ROBO1: variants seen among roughly 807,000 people sequenced by gnomAD.
ROBO1 encodes the protein roundabout homolog 1.
Under a neutral mutation model 195.9 loss-of-function variants are expected in ROBO1, and 149 were observed. The observed-to-expected ratio is 0.76, with a 90% CI of 0.67 to 0.87. The LOEUF (loss-of-function observed/expected upper bound fraction) is 0.87. ROBO1 is among the 40% of genes least tolerant of loss of function. The pLI is 0.00. For synonymous variants in ROBO1, 816 were observed against 733.2 expected (o/e 1.11, Z -1.82); for missense variants, 1,933 against 2,068.3 (o/e 0.93, Z 1.27).
chr3:79,402,519 A>C (rs1186408254), intron 2 of ROBO1, among the ~76,000 whole-genome samples: 2 of 151,962 alleles, frequency 1.3e-5, no homozygotes, highest in Non-Finnish European at 2.9e-5. Context: ...CACTAATAAT[A>C]ATAAGTACCC....
intron 2 of ROBO1, among the ~76,000 whole-genome samples, chr3:79,323,806 T>C (rs2034091456): frequency 6.6e-6 from 1 of 152,194 alleles, no homozygotes; most frequent in African/African-American, 2.4e-5. Context: ...CAGTAGCCAG[T>C]TAGTTTTGCC....
intron 2 of ROBO1, among the ~76,000 whole-genome samples, chr3:79,525,092 C>G (rs189424021): frequency 2.0e-5 from 3 of 151,576 alleles, no homozygotes. Context: ...TATATTCTCC[C>G]TTCCATTCCA....
intron 2 of ROBO1, among the ~76,000 whole-genome samples, chr3:79,364,311 G>A (rs116784596): frequency 0.017 from 2,560 of 148,422 alleles, 23 homozygotes; most frequent in Middle Eastern, 0.032. Context: ...AAAATTATAG[G>A]AAACAGTAAT....
At chr3:78,885,412 TAAAAAAAAAAAA>T (rs59912706) in intron 4 of ROBO1, among the ~76,000 whole-genome samples, 1 of 53,698 alleles carries the variant, frequency 1.9e-5, no homozygotes, top group South Asian at 1.3e-3. Flanking sequence ...AATTTAAAAC[TAAAAAAAAAAAA>T]AAAAAAAAAA....
At chr3:78,789,864 C>T (rs1017408803) in intron 4 of ROBO1, among the ~76,000 whole-genome samples, 26 of 152,322 alleles carry the variant, frequency 1.7e-4, no homozygotes, top group African/African-American at 6.3e-4. Flanking sequence ...TCATTTTCAG[C>T]CACCACCTTT....
chr3:79,004,413 T>C lies in ROBO1; in HGVS notation c.173-65486A>G, dbSNP rs75071310. Among the ~76,000 whole-genome samples the C allele has an allele frequency of 2.2e-4, 33 of 152,298 alleles. No homozygotes were observed. The East Asian group carries it at 6.0e-3, about 28-fold the overall frequency. The stretch of plus-strand genomic sequence containing the variant: ...ACTTATTAATTCACAGAATGACATA[T>C]GTGCAGGTTGTAAGTATTTAACTAG... On this transcript the variant is annotated intron_variant, in intron 3 of 30. Transcript: ENST00000464233.
chr3:79,665,576 G>GT (rs1245867550), intron 1 of ROBO1, among the ~76,000 whole-genome samples: 2 of 151,584 alleles, frequency 1.3e-5, no homozygotes, highest in African/African-American at 4.8e-5. Flanking sequence ...ATGTAAATCA[G>GT]TCAAAAAAAA....
Position 78,909,514 on chromosome 3 carries a change from T to C in ROBO1, c.499+29087A>G, listed in dbSNP as rs114923250. On this transcript the variant is annotated intron_variant, in intron 4 of 30. Transcript: ENST00000464233. ...AATATACATTAAACTCGATGACGTG[T>C]TTCAAGCATAACAAGCATCTTTTAT... is the stretch of plus-strand genomic sequence containing the variant. Among the ~76,000 whole-genome samples the C allele has an allele frequency of 5.9e-3, 903 of 151,912 alleles. 9 individuals carry two copies. Among genetic ancestry groups the C allele is most frequent in the African/African-American group, 0.02 (851 of 41,522 alleles).
At chr3:79,520,038 C>T (rs1345920199) in intron 2 of ROBO1, among the ~76,000 whole-genome samples, 1 of 151,412 alleles carries the variant, frequency 6.6e-6, no homozygotes, top group African/African-American at 2.4e-5. Context: ...AGTGGTGGCA[C>T]AAGCCTGTAG....
At chr3:79,636,285 C>A (rs1046274680) in intron 1 of ROBO1, among the ~76,000 whole-genome samples, 5 of 152,068 alleles carry the variant, frequency 3.3e-5, no homozygotes, top group African/African-American at 1.2e-4. Flanking sequence ...TCAACAAATA[C>A]AAGTCACACT....
chr3:79,569,669 GTGTGTATATATGTGTGTGTGTA>G (rs1943209929), intron 2 of ROBO1, among the ~76,000 whole-genome samples: 1 of 111,286 alleles, frequency 9.0e-6, no homozygotes, highest in African/African-American at 4.4e-5. Flanking sequence ...GTGTGTGTGT[GTGTGTATATATGTGTGTGTGTA>G]TATATATATG....
intron 4 of ROBO1, among the ~76,000 whole-genome samples, chr3:78,772,747 A>G (rs1309267996): frequency 1.3e-5 from 2 of 152,092 alleles, no homozygotes; most frequent in Non-Finnish European, 2.9e-5. Flanking sequence ...AAAACCTGAC[A>G]TTTAGTATGG....
At chr3:79,360,014 A>C (rs1040452552) in intron 2 of ROBO1, among the ~76,000 whole-genome samples, 1 of 152,054 alleles carries the variant, frequency 6.6e-6, no homozygotes, top group Admixed American at 6.6e-5. Flanking sequence ...GAAATTGTGG[A>C]ATACACTTTG....
chr3:79,191,117 T>C (rs1205243744), intron 2 of ROBO1, among the ~76,000 whole-genome samples: 1 of 151,586 alleles, frequency 6.6e-6, no homozygotes, highest in Non-Finnish European at 1.5e-5. Context: ...CTCGTGATTT[T>C]TGAGTGTGAG....
At chr3:79,384,046 T>C (rs181670286) in intron 2 of ROBO1, among the ~76,000 whole-genome samples, 11 of 152,154 alleles carry the variant, frequency 7.2e-5, no homozygotes, top group Non-Finnish European at 1.3e-4. Context: ...GTATATCACA[T>C]ATGCAGTGTA....
chr3:79,716,935 A>G (rs540617930), intron 1 of ROBO1, among the ~76,000 whole-genome samples: 100 of 152,156 alleles, frequency 6.6e-4, no homozygotes, highest in African/African-American at 2.3e-3. Context: ...AGTGGAATAT[A>G]CAACTCAGAA....
intron 4 of ROBO1, among the ~76,000 whole-genome samples, chr3:78,829,467 T>G (rs1382086086): frequency 6.6e-6 from 1 of 152,196 alleles, no homozygotes; most frequent in East Asian, 1.9e-4. Flanking sequence ...AGGCTTGGTC[T>G]GGCCTTGGTC....
At chr3:78,762,954 G>T (rs950781295) in intron 4 of ROBO1, among the ~76,000 whole-genome samples, 1 of 152,030 alleles carries the variant, frequency 6.6e-6, no homozygotes, top group East Asian at 1.9e-4. Flanking sequence ...GTTGAAAAAG[G>T]TAATTAAGTA....
chr3:79,362,032 A>G (rs1484303391), intron 2 of ROBO1, among the ~76,000 whole-genome samples: 1 of 152,088 alleles, frequency 6.6e-6, no homozygotes, highest in Non-Finnish European at 1.5e-5. Flanking sequence ...ACATGAATCT[A>G]CATCACACAT....
Sources: allele counts gnomAD v4.1 joint callset (sites outside exome capture counted in the v4.1 genomes callset), GRCh38; gene constraint gnomAD v4.1.1; transcripts MANE v1.5; gene names NCBI Gene and HGNC (gene_info 2026-07-23, HGNC 2026-07-21).